CHCHD6: variants seen among roughly 807,000 people sequenced by gnomAD.
The protein encoded by CHCHD6 is MICOS complex subunit MIC25.
A neutral mutation model predicts 32.3 loss-of-function variants in CHCHD6; 28 were observed. That is an observed-to-expected ratio of 0.87 (90% CI 0.64 to 1.19). The LOEUF (loss-of-function observed/expected upper bound fraction) is 1.19, where lower values mean the gene tolerates loss of function less well. Ranked by LOEUF, CHCHD6 falls within the 50% of genes most tolerant of loss-of-function variation. CHCHD6 has a pLI of 0.00. For synonymous variants in CHCHD6, 122 were observed against 117.5 expected (o/e 1.04, Z -0.25); for missense variants, 333 against 307.0 (o/e 1.08, Z -0.63).
chr3:126,723,215 A>T (rs1165770167), intron 1 of CHCHD6, among the ~76,000 whole-genome samples: 2 of 151,968 alleles, frequency 1.3e-5, no homozygotes, highest in South Asian at 2.1e-4. Context: ...ATATATCTTA[A>T]ATACTACAGG....
At chr3:126,704,872 C>G (rs564188637) in intron 1 of CHCHD6, among the ~76,000 whole-genome samples, 101 of 152,296 alleles carry the variant, frequency 6.6e-4, no homozygotes, top group African/African-American at 2.2e-3. Flanking sequence ...AGATCTGATC[C>G]CCTTCCTTGC....
chr3:126,902,450 C>T (rs1437407510), intron 5 of CHCHD6, among the ~76,000 whole-genome samples: 2 of 152,254 alleles, frequency 1.3e-5, no homozygotes, highest in East Asian at 1.9e-4. Context: ...GGTGCGGTGG[C>T]TCAAGCCTAT....
chr3:126,892,577 C>G (rs2077778137), intron 5 of CHCHD6, among the ~76,000 whole-genome samples: 1 of 152,236 alleles, frequency 6.6e-6, no homozygotes, highest in African/African-American at 2.4e-5. Context: ...CTGGGGCACA[C>G]AGGTCCATCC....
chr3:126,813,931 T>C (rs950648819), intron 4 of CHCHD6, among the ~76,000 whole-genome samples: 3 of 152,152 alleles, frequency 2.0e-5, no homozygotes, highest in African/African-American at 7.2e-5. Flanking sequence ...CTCATCCAGA[T>C]GGGAGAATAG....
chr3:126,739,783 A>G (rs1936211110), intron 4 of CHCHD6, among the ~76,000 whole-genome samples: 1 of 152,068 alleles, frequency 6.6e-6, no homozygotes, highest in African/African-American at 2.4e-5. Flanking sequence ...TATGTTGCCC[A>G]CCTGCAGATC....
At chr3:126,771,964 A>G (rs982860343) in intron 4 of CHCHD6, among the ~76,000 whole-genome samples, 1 of 152,136 alleles carries the variant, frequency 6.6e-6, no homozygotes, top group Non-Finnish European at 1.5e-5. Context: ...CTGTAGATGT[A>G]TATTAGGTCC....
intron 4 of CHCHD6, among the ~76,000 whole-genome samples, chr3:126,787,980 AT>A (rs1234620128): frequency 6.6e-6 from 1 of 152,098 alleles, no homozygotes; most frequent in East Asian, 1.9e-4. Context: ...AATATCTCTT[AT>A]TATTTTGAGA....
chr3:126,778,692 A>G (rs1415725077), intron 4 of CHCHD6, among the ~76,000 whole-genome samples: 2 of 152,070 alleles, frequency 1.3e-5, no homozygotes, highest in African/African-American at 4.8e-5. Context: ...ATTTACAAAA[A>G]TTTTCTCACA....
chr3:126,950,352 G>A (rs1293772343), intron 6 of CHCHD6, among the ~76,000 whole-genome samples: 3 of 152,122 alleles, frequency 2.0e-5, no homozygotes, highest in Admixed American at 6.5e-5. Context: ...CTGCAGAGAA[G>A]CTTATTGTGG....
chr3:126,708,575 C>G (rs1326616402), intron 1 of CHCHD6, among the ~76,000 whole-genome samples: 2 of 149,854 alleles, frequency 1.3e-5, no homozygotes, highest in Non-Finnish European at 3.0e-5. Flanking sequence ...GTAGTCCCAG[C>G]TACATGGGAG....
intron 6 of CHCHD6, among the ~76,000 whole-genome samples, chr3:126,919,766 T>G (rs1010170391): frequency 2.6e-5 from 4 of 152,090 alleles, no homozygotes; most frequent in African/African-American, 9.7e-5. Context: ...TCTTGATTTT[T>G]TTTTTCCTTG....
chr3:126,948,075 G>C (rs73209660), intron 6 of CHCHD6, among the ~76,000 whole-genome samples: 2,041 of 152,270 alleles, frequency 0.013, 19 homozygotes, highest in African/African-American at 0.024. Context: ...CTCAGAAAAC[G>C]ATCAGAGATA....
At chr3:126,822,795 T>C (rs1049143623) in intron 4 of CHCHD6, among the ~76,000 whole-genome samples, 4 of 152,232 alleles carry the variant, frequency 2.6e-5, no homozygotes, top group Admixed American at 6.5e-5. Context: ...TGACTCTGTA[T>C]GTGTGGATTG....
intron 5 of CHCHD6, among the ~76,000 whole-genome samples, chr3:126,914,210 C>T (rs1172883198): frequency 6.6e-6 from 1 of 152,180 alleles, no homozygotes; most frequent in African/African-American, 2.4e-5. Context: ...AAGGAAAGTC[C>T]ACCTATAAAA....
chr3:126,712,893 C>A (rs894090873), intron 1 of CHCHD6, among the ~76,000 whole-genome samples: 2 of 152,234 alleles, frequency 1.3e-5, no homozygotes, highest in Admixed American at 6.5e-5. Context: ...TTCTCTGCCC[C>A]CTTAGAGATG....
At chr3:126,754,250 A>C (rs1167212912) in intron 4 of CHCHD6, among the ~76,000 whole-genome samples, 1 of 152,186 alleles carries the variant, frequency 6.6e-6, no homozygotes, top group African/African-American at 2.4e-5. Flanking sequence ...CCCCATCCGT[A>C]ATACAGGGAC....
chr3:126,917,903 A>C (rs1052970958), intron 6 of CHCHD6, among the ~76,000 whole-genome samples: 2 of 152,202 alleles, frequency 1.3e-5, no homozygotes, highest in Middle Eastern at 3.4e-3. Flanking sequence ...TTGATCTTAG[A>C]CTTCTCAGCC....
intron 1 of CHCHD6, among the ~76,000 whole-genome samples, chr3:126,712,893 C>G (rs894090873): frequency 1.8e-4 from 27 of 152,234 alleles, no homozygotes; most frequent in African/African-American, 6.0e-4. Flanking sequence ...TTCTCTGCCC[C>G]CTTAGAGATG....
intron 2 of CHCHD6, among the ~76,000 whole-genome samples, chr3:126,728,306 C>G (rs1459513093): frequency 1.3e-5 from 2 of 152,166 alleles, no homozygotes; most frequent in Non-Finnish European, 2.9e-5. Context: ...ACACTGGAAT[C>G]TGTACCAGGC....
Sources: allele counts gnomAD v4.1 joint callset (sites outside exome capture counted in the v4.1 genomes callset), GRCh38; gene constraint gnomAD v4.1.1; transcripts MANE v1.5; gene names NCBI Gene and HGNC (gene_info 2026-07-23, HGNC 2026-07-21).